Variants in DHRSX observed in about 807,000 individuals in gnomAD.
DHRSX encodes polyprenol dehydrogenase.
DHRSX carries 31 observed loss-of-function variants against 34.0 expected under a neutral mutation model. That is an observed-to-expected ratio of 0.91 (90% CI 0.69 to 1.23). The LOEUF (loss-of-function observed/expected upper bound fraction) is 1.23, where lower values mean the gene tolerates loss of function less well. Among genes scored for constraint, DHRSX ranks in the 50% most tolerant of loss-of-function variants. The pLI is 0.00. For synonymous variants in DHRSX, 201 were observed against 183.8 expected, an observed-to-expected ratio of 1.09 and a Z score of -0.76; for missense variants, 414 against 428.1, an observed-to-expected ratio of 0.97 and a Z score of 0.29.
At chrX:2,275,675 A>G (rs761495157) in intron 4 of DHRSX, among the ~76,000 whole-genome samples, 1 of 151,736 alleles carries the variant, frequency 6.6e-6, no homozygotes, top group Non-Finnish European at 1.5e-5. Flanking sequence ...TACAATTCCA[A>G]TTTCCATTAC....
chrX:2,471,261 G>C (rs774581404), intron 1 of DHRSX, among the ~76,000 whole-genome samples: 26 of 152,282 alleles, frequency 1.7e-4, no homozygotes, highest in Non-Finnish European at 1.6e-4. Context: ...AAGGATTCCA[G>C]TTATGTGCTC....
chrX:2,264,053 T>A (rs970464301), intron 5 of DHRSX, among the ~76,000 whole-genome samples: 1 of 152,228 alleles, frequency 6.6e-6, no homozygotes, highest in Non-Finnish European at 1.5e-5. Context: ...ATGTCTCACC[T>A]CTGTGTTTCT....
At chrX:2,446,112 G>A (rs1454446961) in intron 1 of DHRSX, among the ~76,000 whole-genome samples, 1 of 149,470 alleles carries the variant, frequency 6.7e-6, no homozygotes, top group Non-Finnish European at 1.5e-5. Flanking sequence ...CAAAGGGACC[G>A]CACTGAAGAC....
At chrX:2,377,218 G>A (rs56079752) in intron 3 of DHRSX, among the ~76,000 whole-genome samples, 50,742 of 151,524 alleles carry the variant, frequency 0.33, 8,645 homozygotes, top group Non-Finnish European at 0.37. Context: ...TGATTTGAGC[G>A]TATGACATTT....
chrX:2,307,673 G>A (rs1238432616), intron 3 of DHRSX, among the ~76,000 whole-genome samples: 2 of 151,522 alleles, frequency 1.3e-5, no homozygotes, highest in East Asian at 1.9e-4. Context: ...GCTGAGGCAG[G>A]AGAATGGCAT....
intron 1 of DHRSX, among the ~76,000 whole-genome samples, chrX:2,448,445 T>C (rs2044169022): frequency 1.3e-5 from 2 of 152,032 alleles, no homozygotes; most frequent in Admixed American, 6.6e-5. Context: ...TCTTTCAAAA[T>C]GACTAAAAGT....
At chrX:2,368,146 G>A (rs7062800) in intron 3 of DHRSX, among the ~76,000 whole-genome samples, 3 of 151,792 alleles carry the variant, frequency 2.0e-5, no homozygotes, top group African/African-American at 7.3e-5. Context: ...AGGAGGCTGA[G>A]GCAGGAGAAT....
chrX:2,415,986 T>C (rs1398938236), intron 2 of DHRSX, among the ~76,000 whole-genome samples: 1 of 151,680 alleles, frequency 6.6e-6, no homozygotes, highest in Non-Finnish European at 1.5e-5. Context: ...CAACTAGACC[T>C]CATCATAACC....
chrX:2,304,200 GATAA>G lies in DHRSX; in HGVS notation c.287-12601_287-12598del, dbSNP rs1253596311. On this transcript the variant is annotated intron_variant, in intron 3 of 6. Coordinates refer to ENST00000334651, the MANE Select transcript of DHRSX (RefSeq NM_145177.3). The stretch of plus-strand genomic sequence containing the variant: ...GGATGGATGGATGGATGGATGGATG[GATAA>G]ATGGATGGATGGATGGATGGATGGA... Among the ~76,000 whole-genome samples, 542 of 68,506 alleles carry G rather than the reference GATAA, an allele frequency of 7.9e-3. 8 individuals carry two copies. The highest frequency in any genetic ancestry group is 0.021 in the African/African-American group (282 of 13,686). 44.9% of individuals were successfully genotyped at this position (68,506 alleles called of 152,430 possible).
intron 4 of DHRSX, among the ~76,000 whole-genome samples, chrX:2,287,764 T>G (rs1034738082): frequency 6.6e-6 from 1 of 152,062 alleles, no homozygotes; most frequent in Non-Finnish European, 1.5e-5. Context: ...AATCCTCATG[T>G]GGGAAACAGA....
rs768131207 is a variant in DHRSX, at chrX:2,401,903, G to A, written c.286+6842C>T. ...CTCGCCCAGATTCCTGAAAACAATC[G>A]CGCATTTATAATTCCGAGAGCTCAA... On this transcript the variant is annotated intron_variant, in intron 3 of 6. Coordinates refer to ENST00000334651, the MANE Select transcript of DHRSX (RefSeq NM_145177.3). Among the ~76,000 whole-genome samples, 2 of 152,172 alleles carry A rather than the reference G, an allele frequency of 1.3e-5. 1 individual carries two copies. The highest frequency in any genetic ancestry group is 2.9e-5 in the Non-Finnish European group (2 of 68,034).
intron 3 of DHRSX, among the ~76,000 whole-genome samples, chrX:2,317,725 G>A (rs1432048387): frequency 2.6e-5 from 4 of 152,132 alleles, no homozygotes; most frequent in Non-Finnish European, 5.9e-5. Context: ...ACATGGCAAA[G>A]TGCGGGTAGA....
intron 3 of DHRSX, among the ~76,000 whole-genome samples, chrX:2,372,703 GGT>G (rs1321369205): frequency 6.6e-6 from 1 of 151,826 alleles, no homozygotes; most frequent in African/African-American, 2.4e-5. Flanking sequence ...CCGCCTCCCG[GGT>G]TCAAGCGATG....
chrX:2,390,492 T>A (rs2124620568), intron 3 of DHRSX, among the ~76,000 whole-genome samples: 1 of 152,270 alleles, frequency 6.6e-6, no homozygotes, highest in African/African-American at 2.4e-5. Flanking sequence ...CACATAAAGT[T>A]TAGCATTTTA....
intron 1 of DHRSX, among the ~76,000 whole-genome samples, chrX:2,480,902 T>C (rs2044758941): frequency 6.6e-6 from 1 of 152,180 alleles, no homozygotes; most frequent in African/African-American, 2.4e-5. Context: ...ACAGTGATTA[T>C]CATTAATAAT....
At chrX:2,333,930 GTTC>G (rs1450582863) in intron 3 of DHRSX, among the ~76,000 whole-genome samples, 1 of 152,108 alleles carries the variant, frequency 6.6e-6, no homozygotes, top group East Asian at 1.9e-4. Flanking sequence ...ATAAGATCTT[GTTC>G]TTTTTTACAG....
chrX:2,301,704 T>G (rs185462924), intron 3 of DHRSX, among the ~76,000 whole-genome samples: 3 of 152,138 alleles, frequency 2.0e-5, no homozygotes, highest in Non-Finnish European at 4.4e-5. Context: ...GGTGGTGCGA[T>G]CTCGGCTCAC....
chrX:2,381,385 G>A (rs1468236824), intron 3 of DHRSX, among the ~76,000 whole-genome samples: 9 of 152,098 alleles, frequency 5.9e-5, no homozygotes, highest in East Asian at 1.9e-4. Context: ...GACACTGAAC[G>A]TGGCATGCTT....
At chrX:2,325,848 C>G (rs2042379729) in intron 3 of DHRSX, among the ~76,000 whole-genome samples, 1 of 28,292 alleles carries the variant, frequency 3.5e-5, no homozygotes, top group Non-Finnish European at 1.0e-4. Flanking sequence ...AAAACCATTT[C>G]TCTTTCTCTT....
Sources: gnomAD v4.1 joint callset for allele counts (sites outside exome capture counted in the v4.1 genomes callset) on GRCh38, gnomAD v4.1.1 for gene constraint, MANE v1.5 for transcripts, NCBI Gene and HGNC (gene_info 2026-07-23, HGNC 2026-07-21) for gene names.